Variants in RPTOR observed in about 807,000 individuals in gnomAD.
RPTOR encodes regulatory-associated protein of mTOR.
Under a neutral mutation model 169.9 loss-of-function variants are expected in RPTOR, and 21 were observed. The observed-to-expected ratio is 0.12, with a 90% CI of 0.09 to 0.18. The LOEUF is 0.18. Ranked by LOEUF, RPTOR falls within the 10% of genes least tolerant of loss-of-function variation. The probability of loss-of-function intolerance (pLI) is 1.00; values close to 1 mark genes in which losing one functional copy is unlikely to be tolerated. For missense variants in RPTOR, 1,133 were observed against 1,855.9 expected, an observed-to-expected ratio of 0.61 and a Z score of 7.16; for synonymous variants, 732 against 753.2, an observed-to-expected ratio of 0.97 and a Z score of 0.46.
At chr17:80,667,944 G>C (rs937657701) in intron 3 of RPTOR, among the ~76,000 whole-genome samples, 2 of 152,186 alleles carry the variant, frequency 1.3e-5, no homozygotes, top group Admixed American at 6.5e-5. Context: ...CTGCCATTCT[G>C]TCAGCAACAA....
At chr17:80,830,674 G>A (rs1259362124) in intron 9 of RPTOR, among the ~76,000 whole-genome samples, 1 of 152,182 alleles carries the variant, frequency 6.6e-6, no homozygotes, top group African/African-American at 2.4e-5. Flanking sequence ...AAGGAGTTTG[G>A]TAGTTGAGGT....
chr17:80,559,375 A>G (rs541832404), intron 1 of RPTOR, among the ~76,000 whole-genome samples: 1 of 152,096 alleles, frequency 6.6e-6, no homozygotes, highest in East Asian at 1.9e-4. Flanking sequence ...CTTTTGCCAT[A>G]CCTGTTTGGG....
chr17:80,765,105 A>G (rs2066773024), intron 6 of RPTOR, among the ~76,000 whole-genome samples: 1 of 152,232 alleles, frequency 6.6e-6, no homozygotes, highest in African/African-American at 2.4e-5. Flanking sequence ...GAAAAACAAA[A>G]TGAAGAGAGC....
chr17:80,638,753 C>A (rs2065528985), intron 2 of RPTOR, among the ~76,000 whole-genome samples: 1 of 152,172 alleles, frequency 6.6e-6, no homozygotes, highest in South Asian at 2.1e-4. Context: ...AAAGTGAGGA[C>A]AGTTTTTTAA....
At chr17:80,931,893 G>A (rs2068901719) in intron 24 of RPTOR, among the ~76,000 whole-genome samples, 1 of 140,706 alleles carries the variant, frequency 7.1e-6, no homozygotes, top group African/African-American at 2.6e-5. Context: ...AGCATAGAGA[G>A]AGAAGCCCCC....
In RPTOR at chr17:80,841,794, G is replaced by A. The variant is rs1309329032; in HGVS notation, c.1212+3797G>A. Reference sequence around the variant, plus strand: ...GCACGGCAGCTCACTCTCACCGCACGGCAGCTCACACTCACCGCACGGCAG... The same window carrying A: ...GCACGGCAGCTCACTCTCACCGCACAGCAGCTCACACTCACCGCACGGCAG... On this transcript the variant is annotated intron_variant, in intron 10 of 33. Transcript: ENST00000306801. 3.6e-4 allele frequency among the ~76,000 whole-genome samples: 39 copies of A among 107,714 alleles called. 1 individual carries two copies. Among genetic ancestry groups the A allele is most frequent in the Admixed American group, 2.4e-3 (25 of 10,558 alleles). 70.7% of individuals were successfully genotyped at this position (107,714 alleles called of 152,430 possible). A position where few individuals can be genotyped will look rare whatever the true frequency, so the allele number is the denominator to read the frequency against.
At chr17:80,666,994 G>A (rs1162006498) in intron 3 of RPTOR, among the ~76,000 whole-genome samples, 4 of 152,176 alleles carry the variant, frequency 2.6e-5, no homozygotes, top group Admixed American at 2.6e-4. Flanking sequence ...AATGCAGTAG[G>A]TGGCACTTGT....
At chr17:80,882,493 CAG>C (rs2068196759) in intron 14 of RPTOR, among the ~76,000 whole-genome samples, 1 of 152,238 alleles carries the variant, frequency 6.6e-6, no homozygotes, top group South Asian at 2.1e-4. Context: ...CGGCCGGGGA[CAG>C]GGGAGCCCTC....
At chr17:80,802,251 C>T (rs1305095622) in intron 7 of RPTOR, 1 of 152,292 alleles carries the variant, frequency 6.6e-6, no homozygotes, top group African/African-American at 2.4e-5. Flanking sequence ...GCTGTAACAT[C>T]TGTGGCATTC....
Position 80,686,215 on chromosome 17 carries a change from C to T in RPTOR, c.349-21626C>T, listed in dbSNP as rs7217057. On this transcript the variant is annotated intron_variant, in intron 3 of 33. Coordinates refer to ENST00000306801, the MANE Select transcript of RPTOR (RefSeq NM_020761.3). The stretch of plus-strand genomic sequence containing the variant: ...TTTTTTTTTTTTTTTGAGACAGAGT[C>T]TCGCTCTGTCGCCCATGCTGGAGTG... 4.2e-3 allele frequency among the ~76,000 whole-genome samples: 627 copies of T among 149,074 alleles called. 6 individuals carry two copies. Among genetic ancestry groups the T allele is most frequent in the African/African-American group, 0.015 (610 of 40,310 alleles).
At chr17:80,725,128 G>C (rs2066320540) in intron 4 of RPTOR, among the ~76,000 whole-genome samples, 1 of 152,230 alleles carries the variant, frequency 6.6e-6, no homozygotes, top group Non-Finnish European at 1.5e-5. Context: ...ATGTAGAATT[G>C]TGGGAAGCTC....
rs377507180 is a variant in RPTOR at position 80,730,645 on chromosome 17, A to G, written c.593A>G (p.Asn198Ser). The G allele has an allele frequency of 5.0e-6, 8 of 1,613,930 alleles. No individual in the cohort carries two copies. Among genetic ancestry groups the G allele is most frequent in the African/African-American group, 4.0e-5 (3 of 74,996 alleles). ...TCGATCTTCGTCTACGACTGCTCCA[A>G]TGCTGGCTTGATCGTCAAGTCCTTC... ...SPSIFVYDCS[N>S]AGLIVKSFKQ... Residue 198 changes from asparagine (N) to serine (S), a missense_variant, in exon 5 of 34, where the codon AAT becomes AGT. Transcript: ENST00000306801. The surrounding 1 kb of genome is among the most constrained non-coding windows in gnomAD (Gnocchi z 4.2).
intron 3 of RPTOR, among the ~76,000 whole-genome samples, chr17:80,662,483 T>C (rs1175337950): frequency 6.6e-6 from 1 of 151,592 alleles, no homozygotes; most frequent in East Asian, 1.9e-4. Flanking sequence ...TGCTGATTGG[T>C]TGGGGGGTGA....
chr17:80,942,743 C>T (rs984157988), intron 25 of RPTOR, among the ~76,000 whole-genome samples: 5 of 152,252 alleles, frequency 3.3e-5, no homozygotes, highest in Non-Finnish European at 7.3e-5. Context: ...GCCCAGGAGA[C>T]GGGGTTGGGA....
At chr17:80,913,190 C>T (rs764924380) in intron 21 of RPTOR, among the ~76,000 whole-genome samples, 20 of 152,206 alleles carry the variant, frequency 1.3e-4, no homozygotes, top group East Asian at 5.8e-4. Flanking sequence ...TACAGAGAAA[C>T]GAGCCTATTT....
chr17:80,707,807 G>C lies in RPTOR; in HGVS notation c.349-34G>C, dbSNP rs774992705. The C allele has an allele frequency of 6.2e-7, 1 of 1,600,182 alleles. No individual in the cohort carries two copies. Among genetic ancestry groups the C allele is most frequent in the Non-Finnish European group, 8.5e-7 (1 of 1,170,510 alleles). On this transcript the variant is annotated intron_variant, in intron 3 of 33. Coordinates refer to ENST00000306801, the MANE Select transcript of RPTOR (RefSeq NM_020761.3). This position sits in a 1 kb window ranked among gnomAD's most constrained non-coding sequence, Gnocchi z 5.0. Reference sequence around the variant, plus strand: ...GAGTTCCAAGCATTCCCTGGAGTCCGTGGTAAATTTCTTCATTTCTTCTCC... The same window carrying C: ...GAGTTCCAAGCATTCCCTGGAGTCCCTGGTAAATTTCTTCATTTCTTCTCC...
rs1480672145 is a variant in RPTOR, at chr17:80,878,086, G to A, written c.1510-2329G>A. On this transcript the variant is annotated intron_variant, in intron 13 of 33. Transcript: ENST00000306801. The surrounding 1 kb of genome is among the most constrained non-coding windows in gnomAD (Gnocchi z 4.1). Reference sequence around the variant, plus strand: ...GAGCCGTTCTCTTCTTGATCCTCAGGCATCCAGTTCTTAAAATTCCGGCCC... The same window carrying A: ...GAGCCGTTCTCTTCTTGATCCTCAGACATCCAGTTCTTAAAATTCCGGCCC... Among the ~76,000 whole-genome samples, 1 of 152,152 alleles carries A rather than the reference G, an allele frequency of 6.6e-6. No homozygotes were observed. The highest frequency in any genetic ancestry group is 6.5e-5 in the Admixed American group (1 of 15,276).
Position 80,743,472 on chromosome 17 carries a change from C to A in RPTOR, c.655-10538C>A, listed in dbSNP as rs139405151. Reference sequence around the variant, plus strand: ...GACAGAGGCAGGAGAACACGTGACCCACTTGTGTGGGGAGCTCCAGCAGCG... The same window carrying A: ...GACAGAGGCAGGAGAACACGTGACCAACTTGTGTGGGGAGCTCCAGCAGCG... On this transcript the variant is annotated intron_variant, in intron 5 of 33. Coordinates refer to ENST00000306801, the MANE Select transcript of RPTOR (RefSeq NM_020761.3). 3.2e-4 allele frequency: 314 copies of A among 985,180 alleles called. No individual in the cohort carries two copies. The African/African-American group carries it at 4.9e-3, about 15-fold the overall frequency. The allele number at this position is 985,180 out of a possible 1,614,324, so 61.0% of individuals were successfully genotyped here.
At chr17:80,914,122 T>C (rs952433665) in intron 21 of RPTOR, among the ~76,000 whole-genome samples, 4 of 152,222 alleles carry the variant, frequency 2.6e-5, no homozygotes, top group Non-Finnish European at 5.9e-5. Flanking sequence ...GTCAAATTGA[T>C]GGCAGTGGCA....
Sources: allele counts gnomAD v4.1 joint callset (sites outside exome capture counted in the v4.1 genomes callset), GRCh38; gene constraint gnomAD v4.1.1; non-coding constraint Gnocchi (gnomAD v3.1); transcripts MANE v1.5; gene names NCBI Gene and HGNC (gene_info 2026-07-23, HGNC 2026-07-21).